Variants in CDH13 observed in about 807,000 individuals in gnomAD.
The protein encoded by CDH13 is cadherin-13.
Under a neutral mutation model 63.8 loss-of-function variants are expected in CDH13, and 24 were observed. That is an observed-to-expected ratio of 0.38 (90% CI 0.27 to 0.53). The LOEUF (loss-of-function observed/expected upper bound fraction) is 0.53. Ranked by LOEUF, CDH13 falls within the 20% of genes least tolerant of loss-of-function variation. CDH13 has a pLI of 0.85. For missense variants in CDH13, 1,049 were observed against 903.1 expected, an observed-to-expected ratio of 1.16 and a Z score of -2.07; for synonymous variants, 503 against 355.3, an observed-to-expected ratio of 1.42 and a Z score of -4.67.
chr16:83,509,080 C>T (rs2074494195), intron 7 of CDH13, among the ~76,000 whole-genome samples: 1 of 152,196 alleles, frequency 6.6e-6, no homozygotes, highest in South Asian at 2.1e-4. Flanking sequence ...AGCCAAGTTT[C>T]CATAATCCCT....
chr16:83,460,623 A>T (rs888699215), intron 6 of CDH13, among the ~76,000 whole-genome samples: 6 of 152,216 alleles, frequency 3.9e-5, no homozygotes, highest in Non-Finnish European at 4.4e-5. Context: ...TAGAGTTCAA[A>T]AAAACAGGAA....
chr16:83,110,677 T>C (rs1379070314), intron 3 of CDH13, among the ~76,000 whole-genome samples: 4 of 152,108 alleles, frequency 2.6e-5, no homozygotes, highest in African/African-American at 7.2e-5. Flanking sequence ...GTAATACAGA[T>C]AGATAACCGA....
intron 2 of CDH13, among the ~76,000 whole-genome samples, chr16:82,965,643 G>T (rs1299440887): frequency 2.0e-5 from 3 of 152,044 alleles, no homozygotes; most frequent in Non-Finnish European, 4.4e-5. Context: ...GGATTCTCCT[G>T]CCATGGCCAG....
At chr16:83,636,016 C>T (rs1911230461) in intron 8 of CDH13, among the ~76,000 whole-genome samples, 1 of 151,976 alleles carries the variant, frequency 6.6e-6, no homozygotes, top group Admixed American at 6.6e-5. Flanking sequence ...GTTCATTTAT[C>T]TGCCAGTGGA....
At chr16:83,457,648 G>C (rs561503383) in intron 6 of CDH13, among the ~76,000 whole-genome samples, 1 of 152,164 alleles carries the variant, frequency 6.6e-6, no homozygotes, top group East Asian at 1.9e-4. Flanking sequence ...CTGCTTTAGA[G>C]AGATGAGTTC....
intron 5 of CDH13, among the ~76,000 whole-genome samples, chr16:83,255,806 C>A (rs1906189263): frequency 6.6e-6 from 1 of 152,102 alleles, no homozygotes. Context: ...AACTCTTCTG[C>A]CTCCTGATTT....
chr16:83,137,983 GTC>G (rs2036370637), intron 4 of CDH13, among the ~76,000 whole-genome samples: 1 of 152,098 alleles, frequency 6.6e-6, no homozygotes, highest in African/African-American at 2.4e-5. Flanking sequence ...CGTGATGTGA[GTC>G]TGGGTGGCTG....
At chr16:82,641,854 A>G (rs926161290) in intron 1 of CDH13, among the ~76,000 whole-genome samples, 2 of 152,222 alleles carry the variant, frequency 1.3e-5, no homozygotes, top group African/African-American at 4.8e-5. Flanking sequence ...GACAATAAAA[A>G]AATGAACAGG....
intron 2 of CDH13, among the ~76,000 whole-genome samples, chr16:82,959,735 C>T (rs762029537): frequency 2.6e-5 from 4 of 152,166 alleles, no homozygotes; most frequent in Non-Finnish European, 5.9e-5. Context: ...TTTATAAGTT[C>T]CTTTATATCT....
intron 5 of CDH13, among the ~76,000 whole-genome samples, chr16:83,298,970 G>A (rs2089666538): frequency 6.6e-6 from 1 of 152,130 alleles, no homozygotes; most frequent in African/African-American, 2.4e-5. Flanking sequence ...AGTAATGCAT[G>A]CTTGTTTTAA....
At chr16:83,323,222 C>CTTTCTTTT (rs1567591284) in intron 5 of CDH13, among the ~76,000 whole-genome samples, 59 of 142,592 alleles carry the variant, frequency 4.1e-4, no homozygotes, top group African/African-American at 1.4e-3. Context: ...TTCTTTCTTT[C>CTTTCTTTT]TTTCTTTCTT....
chr16:83,705,532 G>T (rs369142022), intron 10 of CDH13, among the ~76,000 whole-genome samples: 22 of 152,264 alleles, frequency 1.4e-4, no homozygotes, highest in East Asian at 9.7e-4. Context: ...TGAGGCAGGA[G>T]AATGGCGTGA....
At chr16:82,722,604 G>A (rs1597405208) in intron 1 of CDH13, among the ~76,000 whole-genome samples, 1 of 152,180 alleles carries the variant, frequency 6.6e-6, no homozygotes, top group Non-Finnish European at 1.5e-5. Flanking sequence ...CAAGTATGGA[G>A]AGTGAGGTGA....
intron 7 of CDH13, among the ~76,000 whole-genome samples, chr16:83,597,920 A>G (rs1218134020): frequency 6.6e-6 from 1 of 152,152 alleles, no homozygotes; most frequent in East Asian, 1.9e-4. Context: ...ATTTTATTGC[A>G]CTCATATGTG....
rs200693082 is a variant in CDH13 at position 83,446,300 on chromosome 16, C to CAAAAA, written c.782-40165_782-40161dup. Among the ~76,000 whole-genome samples, 7 of 82,378 alleles carry CAAAAA rather than the reference C, an allele frequency of 8.5e-5. No homozygotes were observed. The South Asian group carries it at 2.8e-3, about 33-fold the overall frequency. The allele number at this position is 82,378 out of a possible 152,430, so 54.0% of individuals were successfully genotyped here. A position where few individuals can be genotyped will look rare whatever the true frequency, so the allele number is the denominator to read the frequency against. ...CCTGGGCGACAGAGTGAGACTGTCT[C>CAAAAA]AAAAAAAAAAAAAAAAGAAAGAAAG... On this transcript the variant is annotated intron_variant, in intron 6 of 13. Coordinates refer to ENST00000567109, the MANE Select transcript of CDH13 (RefSeq NM_001257.5).
intron 1 of CDH13, among the ~76,000 whole-genome samples, chr16:82,789,153 C>T (rs944902833): frequency 6.6e-6 from 1 of 152,156 alleles, no homozygotes; most frequent in African/African-American, 2.4e-5. Flanking sequence ...CCCATCCTAC[C>T]CTTAAGGTGC....
chr16:83,436,309 C>A (rs539084759), intron 6 of CDH13, among the ~76,000 whole-genome samples: 1 of 152,156 alleles, frequency 6.6e-6, no homozygotes, highest in Non-Finnish European at 1.5e-5. Context: ...TATAATAATG[C>A]TTATGTCATA....
chr16:82,658,307 CAG>C (rs1234265380), intron 1 of CDH13, among the ~76,000 whole-genome samples: 8 of 152,174 alleles, frequency 5.3e-5, no homozygotes, highest in Admixed American at 1.3e-4. Flanking sequence ...CAGAAGAAAA[CAG>C]TGCACAGTTA....
chr16:83,105,348 T>A (rs2034712562), intron 3 of CDH13, among the ~76,000 whole-genome samples: 2 of 152,232 alleles, frequency 1.3e-5, no homozygotes, highest in Non-Finnish European at 2.9e-5. Flanking sequence ...TCCACCATCA[T>A]CTGCATCTCC....
Sources: allele counts gnomAD v4.1 joint callset (sites outside exome capture counted in the v4.1 genomes callset), GRCh38; gene constraint gnomAD v4.1.1; transcripts MANE v1.5; gene names NCBI Gene and HGNC (gene_info 2026-07-23, HGNC 2026-07-21).